KCNQ5: variants seen among roughly 807,000 people sequenced by gnomAD.
The protein encoded by KCNQ5 is potassium voltage-gated channel subfamily KQT member 5.
In KCNQ5, 30 loss-of-function variants were observed where a neutral mutation model predicts 98.2. The observed-to-expected ratio is 0.31, with a 90% CI of 0.23 to 0.41. KCNQ5 has a LOEUF of 0.41. Ranked by LOEUF, KCNQ5 falls within the 10% of genes least tolerant of loss-of-function variation. The pLI, the probability that KCNQ5 is intolerant of heterozygous loss-of-function variation, is 1.00. For synonymous variants in KCNQ5, 458 were observed against 449.4 expected, an observed-to-expected ratio of 1.02 and a Z score of -0.24; for missense variants, 835 against 1,182.5, an observed-to-expected ratio of 0.71 and a Z score of 4.31.
intron 1 of KCNQ5, among the ~76,000 whole-genome samples, chr6:72,761,260 C>G (rs945212749): frequency 1.3e-5 from 2 of 151,970 alleles, no homozygotes; most frequent in African/African-American, 4.8e-5. Flanking sequence ...AAATAATTAG[C>G]TGTTTATCAG....
At chr6:72,658,394 C>A (rs1766305385) in intron 1 of KCNQ5, among the ~76,000 whole-genome samples, 2 of 148,084 alleles carry the variant, frequency 1.4e-5, no homozygotes, top group Admixed American at 1.3e-4. Flanking sequence ...GATTCTCTTG[C>A]CTCAGCCTCC....
chr6:73,044,555 A>T (rs1333521200), intron 3 of KCNQ5, among the ~76,000 whole-genome samples: 1 of 152,236 alleles, frequency 6.6e-6, no homozygotes, highest in Non-Finnish European at 1.5e-5. Flanking sequence ...AATGTGGCTT[A>T]TCAGTATGAG....
chr6:73,130,887 A>G (rs1776206714), intron 9 of KCNQ5, among the ~76,000 whole-genome samples: 1 of 152,234 alleles, frequency 6.6e-6, no homozygotes, highest in Non-Finnish European at 1.5e-5. Flanking sequence ...CAAAAGAGAA[A>G]GTGAAAACAT....
At chr6:73,038,464 A>G (rs1771538602) in intron 2 of KCNQ5, among the ~76,000 whole-genome samples, 1 of 152,074 alleles carries the variant, frequency 6.6e-6, no homozygotes, top group Non-Finnish European at 1.5e-5. Context: ...GTTGGGGAAA[A>G]GCATTCAGTC....
At chr6:72,845,625 C>T (rs1201771468) in intron 1 of KCNQ5, among the ~76,000 whole-genome samples, 1 of 152,174 alleles carries the variant, frequency 6.6e-6, no homozygotes, top group Non-Finnish European at 1.5e-5. Flanking sequence ...CATCTAGCTC[C>T]TGTTGTCATA....
chr6:72,745,280 T>C (rs1771327584), intron 1 of KCNQ5, among the ~76,000 whole-genome samples: 1 of 152,198 alleles, frequency 6.6e-6, no homozygotes, highest in Admixed American at 6.5e-5. Flanking sequence ...CCTTCGTACT[T>C]CTTTTACCAC....
intron 1 of KCNQ5, among the ~76,000 whole-genome samples, chr6:72,879,697 C>T (rs571960040): frequency 2.0e-5 from 3 of 152,186 alleles, no homozygotes; most frequent in South Asian, 4.2e-4. Context: ...CCTAAATTTT[C>T]GAGATGTCTC....
chr6:73,051,377 TTGCTCTTGGCAC>T (rs1433822997), intron 3 of KCNQ5, among the ~76,000 whole-genome samples: 4 of 152,186 alleles, frequency 2.6e-5, no homozygotes, highest in African/African-American at 7.2e-5. Flanking sequence ...ACACTGCCAC[TTGCTCTTGGCAC>T]TGCTCTTGGC....
intron 10 of KCNQ5, among the ~76,000 whole-genome samples, chr6:73,148,835 G>T (rs1777023712): frequency 6.7e-6 from 1 of 149,242 alleles, no homozygotes; most frequent in Non-Finnish European, 1.5e-5. Context: ...GCCTGCCCTT[G>T]CTCTCTTAGG....
chr6:72,755,137 A>G (rs945351417), intron 1 of KCNQ5, among the ~76,000 whole-genome samples: 1 of 151,842 alleles, frequency 6.6e-6, no homozygotes, highest in African/African-American at 2.4e-5. Context: ...ACTTTTTCTG[A>G]TAGTAATACA....
chr6:72,701,768 G>A (rs1173484852), intron 1 of KCNQ5, among the ~76,000 whole-genome samples: 1 of 152,124 alleles, frequency 6.6e-6, no homozygotes, highest in Non-Finnish European at 1.5e-5. Flanking sequence ...AGGCTGGAGT[G>A]CAATGGTGCG....
At chr6:72,859,532 T>C (rs1000836807) in intron 1 of KCNQ5, among the ~76,000 whole-genome samples, 1 of 152,170 alleles carries the variant, frequency 6.6e-6, no homozygotes, top group Non-Finnish European at 1.5e-5. Context: ...AATTTAACTC[T>C]GTATTTTTTC....
intron 1 of KCNQ5, among the ~76,000 whole-genome samples, chr6:72,903,526 G>A (rs536864806): frequency 3.3e-5 from 5 of 152,190 alleles, no homozygotes; most frequent in African/African-American, 1.2e-4. Context: ...TTGATAGGTT[G>A]TGTCACTACT....
At chr6:72,731,478 G>A (rs1324432123) in intron 1 of KCNQ5, among the ~76,000 whole-genome samples, 3 of 152,170 alleles carry the variant, frequency 2.0e-5, no homozygotes, top group Non-Finnish European at 4.4e-5. Context: ...TTCCAACACT[G>A]TTATGGGACT....
chr6:73,111,030 G>T (rs990823443), intron 6 of KCNQ5, among the ~76,000 whole-genome samples: 3 of 152,132 alleles, frequency 2.0e-5, no homozygotes, highest in African/African-American at 7.2e-5. Context: ...TATAATCATG[G>T]TGCCTATGCT....
intron 2 of KCNQ5, among the ~76,000 whole-genome samples, chr6:73,007,493 C>G (rs1243504483): frequency 1.3e-5 from 2 of 152,158 alleles, no homozygotes; most frequent in Admixed American, 1.3e-4. Flanking sequence ...ATTGCACTGG[C>G]AGAATTTGAT....
At chr6:72,639,932 T>G (rs1321704090) in intron 1 of KCNQ5, among the ~76,000 whole-genome samples, 1 of 152,020 alleles carries the variant, frequency 6.6e-6, no homozygotes. Context: ...GGAGTTATGG[T>G]AAATAAAAGT....
intron 1 of KCNQ5, among the ~76,000 whole-genome samples, chr6:72,912,065 G>A (rs544410007): frequency 1.6e-4 from 24 of 152,154 alleles, no homozygotes; most frequent in African/African-American, 5.3e-4. Context: ...AAGAGATTGG[G>A]GGATAAAAGT....
In KCNQ5 at chr6:72,917,130, C is replaced by A. The variant is rs138827489; in HGVS notation, c.399-86778C>A. Among the ~76,000 whole-genome samples the A allele has an allele frequency of 9.8e-5, 15 of 152,286 alleles. No individual in the cohort carries two copies. The East Asian group carries it at 2.7e-3, about 27-fold the overall frequency. ...GGAGCCCAGGGTGCTGAAGGGAGAT[C>A]TGATGCAGGGAGGAGTTAGGGAGCA... On this transcript the variant is annotated intron_variant, in intron 1 of 13. Coordinates refer to ENST00000370398, the MANE Select transcript of KCNQ5 (RefSeq NM_019842.4).
Sources: allele counts gnomAD v4.1 joint callset (sites outside exome capture counted in the v4.1 genomes callset), GRCh38; gene constraint gnomAD v4.1.1; transcripts MANE v1.5; gene names NCBI Gene and HGNC (gene_info 2026-07-23, HGNC 2026-07-21).